KIF16B: variants seen among roughly 807,000 people sequenced by gnomAD.
The protein encoded by KIF16B is kinesin family member 16B.
In KIF16B, 98 loss-of-function variants were observed where a neutral mutation model predicts 156.3. That is an observed-to-expected ratio of 0.63 (90% CI 0.53 to 0.74). The LOEUF (loss-of-function observed/expected upper bound fraction) is 0.74. Ranked by LOEUF, KIF16B falls within the 30% of genes least tolerant of loss-of-function variation. The pLI is 0.00. For missense variants in KIF16B, 1,421 were observed against 1,606.5 expected (o/e 0.88, Z 1.97); for synonymous variants, 564 against 583.7 (o/e 0.97, Z 0.49).
chr20:16,463,030 G>A (rs1001244094), intron 12 of KIF16B, among the ~76,000 whole-genome samples: 1 of 152,048 alleles, frequency 6.6e-6, no homozygotes, highest in South Asian at 2.1e-4. Context: ...CCAGATCTTC[G>A]TGCACTATGC....
rs754468366 is a variant in KIF16B at position 16,312,425 on chromosome 20, T to C, written c.3712-7A>G. On this transcript the variant is annotated splice_region_variant and splice_polypyrimidine_tract_variant and intron_variant, in intron 24 of 25. Transcript: ENST00000354981. ...GAAATTCAAGGGCAGCAAGCTGAAATAGACATTTTAAAAGACATGCATTAA... is the reference window on the plus strand; with the variant it reads ...GAAATTCAAGGGCAGCAAGCTGAAACAGACATTTTAAAAGACATGCATTAA... The C allele has an allele frequency of 1.7e-5, 27 of 1,602,104 alleles. No individual in the cohort carries two copies. In the South Asian group the frequency reaches 2.0e-4, roughly 12 times the overall value.
intron 12 of KIF16B, among the ~76,000 whole-genome samples, chr20:16,444,137 C>T (rs1369691313): frequency 6.6e-6 from 1 of 152,210 alleles, no homozygotes; most frequent in African/African-American, 2.4e-5. Context: ...TAAAATCTCA[C>T]ATCTTTCATT....
chr20:16,313,861 C>T (rs2063657878), intron 24 of KIF16B, among the ~76,000 whole-genome samples: 1 of 152,108 alleles, frequency 6.6e-6, no homozygotes, highest in African/African-American at 2.4e-5. Flanking sequence ...TGTTAGTTTC[C>T]AGTTTGTGGT....
chr20:16,419,804 G>A (rs2066180411), intron 15 of KIF16B, among the ~76,000 whole-genome samples: 1 of 152,054 alleles, frequency 6.6e-6, no homozygotes, highest in Admixed American at 6.6e-5. Context: ...GACAAATGCT[G>A]AAATACTGTT....
chr20:16,459,967 T>A (rs75852835), intron 12 of KIF16B, among the ~76,000 whole-genome samples: 124 of 152,230 alleles, frequency 8.1e-4, no homozygotes, highest in African/African-American at 2.8e-3. Context: ...AAATACCTAG[T>A]TTAAGAGAAT....
chr20:16,318,890 T>C (rs1250995439), intron 24 of KIF16B, among the ~76,000 whole-genome samples: 1 of 152,118 alleles, frequency 6.6e-6, no homozygotes, highest in East Asian at 1.9e-4. Context: ...TTCCAAATAA[T>C]ACAGTGTGGA....
chr20:16,384,980 T>C (rs1249960472), intron 17 of KIF16B, among the ~76,000 whole-genome samples: 2 of 152,106 alleles, frequency 1.3e-5, no homozygotes, highest in African/African-American at 4.8e-5. Flanking sequence ...GCGGATCACC[T>C]GAAGTCAGAA....
Position 16,306,853 on chromosome 20 carries a change from A to G in KIF16B, c.3795+5482T>C, listed in dbSNP as rs537169339. 3.9e-5 allele frequency among the ~76,000 whole-genome samples: 6 copies of G among 152,300 alleles called. No homozygotes were observed. The South Asian group carries it at 1.2e-3, about 32-fold the overall frequency. ...CTTTGTACCAGATTCCGTGTTGTAT[A>G]TGCAATCACATTTAATTCTCAGTAC... On this transcript the variant is annotated intron_variant, in intron 25 of 25. Coordinates refer to ENST00000354981, the MANE Select transcript of KIF16B (RefSeq NM_024704.5).
chr20:16,273,134 C>T lies in KIF16B; in HGVS notation c.*119G>A. ...GTGAGGTGGCCCGGGCCCGCTGCTGCATGTCTGTCTTCAGCAGGAGGAGGC... is the reference window on the plus strand; with the variant it reads ...GTGAGGTGGCCCGGGCCCGCTGCTGTATGTCTGTCTTCAGCAGGAGGAGGC... On this transcript the variant is annotated 3_prime_UTR_variant, in exon 26 of 26. Transcript: ENST00000354981. 1.2e-6 allele frequency: 1 copy of T among 837,312 alleles called. No homozygotes were observed. The highest frequency in any genetic ancestry group is 2.0e-6 in the Non-Finnish European group (1 of 508,026). The allele number at this position is 837,312 out of a possible 1,614,324, so 51.9% of individuals were successfully genotyped here.
intron 22 of KIF16B, among the ~76,000 whole-genome samples, chr20:16,370,263 GTT>G (rs761272979): frequency 3.3e-5 from 5 of 152,196 alleles, no homozygotes; most frequent in Non-Finnish European, 7.4e-5. Context: ...GGAGTACTGA[GTT>G]TCATTTCCAA....
At chr20:16,410,141 A>G (rs186761009) in intron 15 of KIF16B, among the ~76,000 whole-genome samples, 115 of 140,174 alleles carry the variant, frequency 8.2e-4, no homozygotes, top group Middle Eastern at 3.8e-3. Context: ...ACATATATAT[A>G]TGTAGGTACA....
chr20:16,281,783 T>A (rs149113510), intron 25 of KIF16B, among the ~76,000 whole-genome samples: 2 of 152,058 alleles, frequency 1.3e-5, no homozygotes, highest in African/African-American at 4.8e-5. Context: ...GTGCCTCCCC[T>A]CCTCCCCTCA....
chr20:16,515,707 A>G (rs1568630113), intron 3 of KIF16B, 43 bp from the exon 4 acceptor site: 2 of 1,067,744 alleles, frequency 1.9e-6, no homozygotes, highest in Non-Finnish European at 1.4e-6. Context: ...ATTATCATAG[A>G]TTTTAATAAT....
intron 23 of KIF16B, among the ~76,000 whole-genome samples, chr20:16,352,519 C>T (rs2064357576): frequency 6.6e-6 from 1 of 152,174 alleles, no homozygotes; most frequent in Non-Finnish European, 1.5e-5. Flanking sequence ...TGGGAACCCC[C>T]GTTGACTTTC....
chr20:16,549,694 A>G (rs28797824), intron 1 of KIF16B, among the ~76,000 whole-genome samples: 5 of 147,252 alleles, frequency 3.4e-5, no homozygotes, highest in Admixed American at 2.7e-4. Flanking sequence ...ATAACGCCGC[A>G]TACCTACAAC....
chr20:16,342,334 C>T (rs1601603314), intron 23 of KIF16B, among the ~76,000 whole-genome samples: 1 of 152,102 alleles, frequency 6.6e-6, no homozygotes, highest in Admixed American at 6.6e-5. Flanking sequence ...GGTGGACTCT[C>T]ATTGCAGAGA....
intron 6 of KIF16B, among the ~76,000 whole-genome samples, chr20:16,509,906 T>G (rs955835464): frequency 6.6e-6 from 1 of 152,220 alleles, no homozygotes; most frequent in African/African-American, 2.4e-5. Context: ...CCTTCTTTCC[T>G]CCAGGTTTCC....
At chr20:16,276,317 T>C (rs2063060582) in intron 25 of KIF16B, among the ~76,000 whole-genome samples, 1 of 152,138 alleles carries the variant, frequency 6.6e-6, no homozygotes, top group Admixed American at 6.5e-5. Flanking sequence ...AGAGGAAGTA[T>C]TTGAGACACC....
intron 15 of KIF16B, among the ~76,000 whole-genome samples, chr20:16,409,698 G>A (rs2065871560): frequency 6.6e-6 from 1 of 151,612 alleles, no homozygotes. Context: ...ATTTGATGAT[G>A]GGCTAGACAC....
Sources: gnomAD v4.1 joint callset for allele counts (sites outside exome capture counted in the v4.1 genomes callset) on GRCh38, gnomAD v4.1.1 for gene constraint, MANE v1.5 for transcripts, NCBI Gene and HGNC (gene_info 2026-07-23, HGNC 2026-07-21) for gene names.